TRPV5: variants seen among roughly 807,000 people sequenced by gnomAD.
TRPV5 encodes the protein transient receptor potential cation channel subfamily V member 5.
Under a neutral mutation model 74.1 loss-of-function variants are expected in TRPV5, and 66 were observed. The observed-to-expected ratio is 0.89, with a 90% CI of 0.73 to 1.09. The LOEUF (loss-of-function observed/expected upper bound fraction) is 1.09, where lower values mean the gene tolerates loss of function less well. Among genes scored for constraint, TRPV5 ranks in the 50% least tolerant of loss-of-function variants. The pLI, the probability that TRPV5 is intolerant of heterozygous loss-of-function variation, is 0.00. For synonymous variants in TRPV5, 399 were observed against 360.7 expected (o/e 1.11, Z -1.20); for missense variants, 936 against 930.4 (o/e 1.01, Z -0.08).
intron 7 of TRPV5, 145 bp from the exon 8 acceptor site, chr7:142,925,886 G>T: frequency 1.4e-6 from 1 of 730,994 alleles, no homozygotes; most frequent in Non-Finnish European, 2.3e-6. Flanking sequence ...TATATTTCCT[G>T]CATATGGCTG....
Position 142,908,813 on chromosome 7 carries a change from T to A in TRPV5, c.1896-5A>T. 6.2e-7 allele frequency: 1 copy of A among 1,606,464 alleles called. No homozygotes were observed. The highest frequency in any genetic ancestry group is 8.5e-7 in the Non-Finnish European group (1 of 1,176,150). ...TGATCATTGTGGTTCTCAACCCTGA[T>A]AAGGGGAAAGGGGAAAGGACTCAAT... On this transcript the variant is annotated splice_region_variant and splice_polypyrimidine_tract_variant and intron_variant, in intron 14 of 14. Coordinates refer to ENST00000265310, the MANE Select transcript of TRPV5 (RefSeq NM_019841.7).
chr7:142,915,816 T>C (rs935711349), intron 8 of TRPV5, among the ~76,000 whole-genome samples: 4 of 152,216 alleles, frequency 2.6e-5, no homozygotes, highest in Non-Finnish European at 5.9e-5. Flanking sequence ...AATCGCCTTT[T>C]CTATAGATGC....
chr7:142,915,656 C>G (rs1487970039), intron 8 of TRPV5, 88 bp from the exon 9 acceptor site: 2 of 1,342,726 alleles, frequency 1.5e-6, no homozygotes, highest in Non-Finnish European at 2.1e-6. Flanking sequence ...AAAGCCCATC[C>G]AAAATAAAGG....
At chr7:142,920,053 G>T (rs2116588722) in intron 8 of TRPV5, among the ~76,000 whole-genome samples, 1 of 152,304 alleles carries the variant, frequency 6.6e-6, no homozygotes, top group African/African-American at 2.4e-5. Flanking sequence ...TTAAGTCTTT[G>T]TCACAACACA....
intron 12 of TRPV5, among the ~76,000 whole-genome samples, chr7:142,913,363 A>G (rs1318520716): frequency 1.3e-5 from 2 of 152,216 alleles, no homozygotes; most frequent in Non-Finnish European, 2.9e-5. Context: ...TCCTCACTGC[A>G]TAGGGAGCTG....
chr7:142,929,247 A>C, intron 4 of TRPV5, 127 bp from the exon 5 acceptor site: 1 of 1,474,736 alleles, frequency 6.8e-7, no homozygotes, highest in African/African-American at 1.4e-5. Flanking sequence ...ACACTCGTCC[A>C]GCAGAACCAG....
At chr7:142,919,048 G>A (rs541525411) in intron 8 of TRPV5, among the ~76,000 whole-genome samples, 1 of 152,164 alleles carries the variant, frequency 6.6e-6, no homozygotes, top group African/African-American at 2.4e-5. Flanking sequence ...TTGTCAGAAT[G>A]CCTTCCTCCA....
rs113521547 is a variant in TRPV5 at position 142,928,901 on chromosome 7, C to T, written c.587-35G>A. 5 of 1,612,016 alleles carry T rather than the reference C, an allele frequency of 3.1e-6. No individual in the cohort carries two copies. In the Admixed American group the frequency reaches 8.3e-5, roughly 27 times the overall value. ...ACGCAGGGTATCATGTGGCCACTGG[C>T]CTAAAGTCCCTGATGTCCCCATCCC... On this transcript the variant is annotated intron_variant, in intron 5 of 14. Coordinates refer to ENST00000265310, the MANE Select transcript of TRPV5 (RefSeq NM_019841.7).
rs143451571 is a variant in TRPV5, at chr7:142,912,348, C to T, written c.1788+134G>A. On this transcript the variant is annotated intron_variant, in intron 13 of 14. Transcript: ENST00000265310. Reference sequence around the variant, plus strand: ...TATCCACATGTACCTCAGGTTTACACAAACCTCTTCTGAGGTGACAGCCTC... The same window carrying T: ...TATCCACATGTACCTCAGGTTTACATAAACCTCTTCTGAGGTGACAGCCTC... 6 of 1,206,514 alleles carry T rather than the reference C, an allele frequency of 5.0e-6. No individual in the cohort carries two copies. In the East Asian group the frequency reaches 1.2e-4, roughly 24 times the overall value. The allele number at this position is 1,206,514 out of a possible 1,614,324, so 74.7% of individuals were successfully genotyped here. A position where few individuals can be genotyped will look rare whatever the true frequency, so the allele number is the denominator to read the frequency against.
intron 12 of TRPV5, among the ~76,000 whole-genome samples, chr7:142,913,658 T>TG (rs1795744976): frequency 6.6e-6 from 1 of 152,136 alleles, no homozygotes; most frequent in African/African-American, 2.4e-5. Flanking sequence ...CAGATTTTGG[T>TG]GGGGGTTTTG....
chr7:142,909,742 CA>C, intron 13 of TRPV5, 146 bp from the exon 14 acceptor site: 1 of 784,032 alleles, frequency 1.3e-6, no homozygotes, highest in Non-Finnish European at 2.0e-6. Context: ...CTATTCACCC[CA>C]CAGCCTGTGC....
In TRPV5 at chr7:142,930,423, C is replaced by T. The variant is rs754804907; in HGVS notation, c.152G>A (p.Arg51Gln). The T allele has an allele frequency of 1.9e-6, 3 of 1,614,092 alleles. No individual in the cohort carries two copies. Among genetic ancestry groups the T allele is most frequent in the Non-Finnish European group, 2.5e-6 (3 of 1,179,990 alleles). Residue 51 changes from arginine to glutamine, a missense_variant, in exon 2 of 15, where the codon CGA (arginine) becomes CAA (glutamine). Arg to Gln is a conservative substitution (Grantham distance 43). Transcript: ENST00000265310. ...QKRILESPLL[R>Q]ASKENDLSVL... ...AGACAGGTCATTTTCCTTGGATGCT[C>T]GAAGCAGTGGAGACTCTAGAATCCT...
In TRPV5 at chr7:142,929,545, C is replaced by T. The variant is rs199871524; in HGVS notation, c.370G>A (p.Ala124Thr). The T allele has an allele frequency of 8.7e-6, 14 of 1,614,072 alleles. No individual in the cohort carries two copies. The highest frequency in any genetic ancestry group is 5.0e-5 in the Admixed American group (3 of 60,020). The change falls in exon 4 of 15, where the codon GCT becomes ACT. Residue 124 changes from alanine (A) to threonine (T), a missense_variant. Ala to Thr is a moderately conservative substitution (Grantham distance 58). Transcript: ENST00000265310. Reference sequence around the variant, plus strand: ...AGGTTCACATTCTGGTTCACAACAGCGATGTGCAGTGCAGTCTGACCTGGC... The same window carrying T: ...AGGTTCACATTCTGGTTCACAACAGTGATGTGCAGTGCAGTCTGACCTGGC... The part of the protein sequence containing the change: ...AFAGQTALHI[A>T]VVNQNVNLVR...
intron 3 of TRPV5, 99 bp from the exon 4 acceptor site, chr7:142,929,664 T>C (rs959087148): frequency 1.3e-6 from 2 of 1,542,000 alleles, no homozygotes; most frequent in African/African-American, 2.7e-5. Flanking sequence ...TCCTGATAGA[T>C]CTTTGCTAGA....
rs536114984 is a variant in TRPV5, at chr7:142,908,675, C to G, written c.2029G>C (p.Ala677Pro). The change falls in exon 15 of 15, where the codon GCC becomes CCC. Residue 677 changes from alanine to proline, a missense_variant. Transcript: ENST00000265310. ...GTTGGAAGAGCCAAAGAGGCTCTGG[C>G]TAGAGTCCCACTCTCAGCCCCAGAG... is the stretch of plus-strand genomic sequence containing the variant. ...QPSGAESGTLARASLALPTSS... is the reference protein window; with the variant it reads ...QPSGAESGTLPRASLALPTSS... 541 of 1,614,252 alleles carry G rather than the reference C, an allele frequency of 3.4e-4. 1 individual carries two copies. The South Asian group carries it at 5.7e-3, about 17-fold the overall frequency.
At chr7:142,929,594 C>T in intron 3 of TRPV5, 29 bp from the exon 4 acceptor site, 1 of 1,607,792 alleles carries the variant, frequency 6.2e-7, no homozygotes. Context: ...TCATCAGGGT[C>T]TCCCTCTGTC....
At chr7:142,930,853 C>A (rs1586230544) in intron 1 of TRPV5, among the ~76,000 whole-genome samples, 1 of 152,164 alleles carries the variant, frequency 6.6e-6, no homozygotes, top group Middle Eastern at 3.4e-3. Context: ...CATCTGCGGT[C>A]CCCCTGCTCC....
chr7:142,917,798 G>A (rs915805813), intron 8 of TRPV5, among the ~76,000 whole-genome samples: 6 of 152,168 alleles, frequency 3.9e-5, no homozygotes, highest in Admixed American at 2.0e-4. Flanking sequence ...ACAGACTCCT[G>A]AGAGCCCCCT....
intron 8 of TRPV5, 186 bp downstream of exon 8, chr7:142,925,343 T>C (rs1039443671): frequency 1.6e-5 from 10 of 616,580 alleles, no homozygotes; most frequent in African/African-American, 9.2e-5. Context: ...CCTGGACAAA[T>C]GCTCTTGTGC....
Sources: allele counts gnomAD v4.1 joint callset (sites outside exome capture counted in the v4.1 genomes callset), GRCh38; gene constraint gnomAD v4.1.1; transcripts MANE v1.5; gene names NCBI Gene and HGNC (gene_info 2026-07-23, HGNC 2026-07-21).